Variants in PCDHGA4 observed in about 807,000 individuals in gnomAD.
The protein encoded by PCDHGA4 is protocadherin gamma-A4.
In PCDHGA4, 38 loss-of-function variants were observed where a neutral mutation model predicts 54.6. The observed-to-expected ratio is 0.70, with a 90% CI of 0.54 to 0.91. PCDHGA4 has a LOEUF of 0.91. Among genes scored for constraint, PCDHGA4 ranks in the 40% least tolerant of loss-of-function variants. The pLI is 0.00. For synonymous variants in PCDHGA4, 511 were observed against 512.9 expected, an observed-to-expected ratio of 1.00 and a Z score of 0.05; for missense variants, 1,298 against 1,220.9, an observed-to-expected ratio of 1.06 and a Z score of -0.94.
chr5:141,365,470 T>C, intron 1 of PCDHGA4: 1 of 1,614,034 alleles, frequency 6.2e-7, no homozygotes, highest in South Asian at 1.1e-5. Flanking sequence ...GAGAAAATGG[T>C]GAGATTGCAT....
At chr5:141,439,796 G>C (rs980000701) in intron 1 of PCDHGA4, 4 of 152,318 alleles carry the variant, frequency 2.6e-5, no homozygotes, top group African/African-American at 9.6e-5. Flanking sequence ...AATCCAAGAA[G>C]AGTTTGAAAA....
chr5:141,487,452 T>A lies in PCDHGA4; in HGVS notation c.2515-7355T>A, dbSNP rs778695562. 40 of 1,614,046 alleles carry A rather than the reference T, an allele frequency of 2.5e-5. No homozygotes were observed. The highest frequency in any genetic ancestry group is 3.4e-5 in the Non-Finnish European group (40 of 1,180,004). On this transcript the variant is annotated intron_variant, in intron 1 of 3. Coordinates refer to ENST00000571252, the MANE Select transcript of PCDHGA4 (RefSeq NM_018917.4). This position sits in a 1 kb window ranked among gnomAD's most constrained non-coding sequence, Gnocchi z 5.0. ...ATCCAGCTAGGGTCAGATGACCCTA[T>A]CAAGTTTGTTGATGTGGGAGGCCAC... is the stretch of plus-strand genomic sequence containing the variant.
Position 141,476,187 on chromosome 5 carries a change from G to A in PCDHGA4, c.2515-18620G>A. 6.2e-7 allele frequency: 1 copy of A among 1,613,782 alleles called. No individual in the cohort carries two copies. The highest frequency in any genetic ancestry group is 1.1e-5 in the South Asian group (1 of 91,072). ...GTAGTGGGAGTTTTGCTTCTGCTTG[G>A]TGCCTTGAACAAGGCTTCCACGGTC... On this transcript the variant is annotated intron_variant, in intron 1 of 3. Coordinates refer to ENST00000571252, the MANE Select transcript of PCDHGA4 (RefSeq NM_018917.4). This position sits in a 1 kb window ranked among gnomAD's most constrained non-coding sequence, Gnocchi z 7.6.
chr5:141,394,491 C>A lies in PCDHGA4; in HGVS notation c.2514+36870C>A, dbSNP rs1477855534. 4 of 1,614,234 alleles carry A rather than the reference C, an allele frequency of 2.5e-6. No homozygotes were observed. The highest frequency in any genetic ancestry group is 2.5e-6 in the Non-Finnish European group (3 of 1,180,046). On this transcript the variant is annotated intron_variant, in intron 1 of 3. Transcript: ENST00000571252. The stretch of plus-strand genomic sequence containing the variant: ...CGTGCTGGACCAGAATGACAACGCG[C>A]CCGAGATCCTGTACCCCGCCCTCCC...
chr5:141,463,886 C>T (rs1327677210), intron 1 of PCDHGA4, among the ~76,000 whole-genome samples: 3 of 152,118 alleles, frequency 2.0e-5, no homozygotes, highest in African/African-American at 4.8e-5. Flanking sequence ...AAAGTTTTCA[C>T]CTTGCTTTTT....
Position 141,409,176 on chromosome 5 carries a change from G to A in PCDHGA4, c.2514+51555G>A. On this transcript the variant is annotated intron_variant, in intron 1 of 3. Transcript: ENST00000571252. ...ATGGAAGTGGAAGCGAAGGACGGAG[G>A]TGGTCTCTCTACCCAGTGTAAAGTA... The A allele has an allele frequency of 6.2e-7, 1 of 1,614,026 alleles. No individual in the cohort carries two copies. The highest frequency in any genetic ancestry group is 8.5e-7 in the Non-Finnish European group (1 of 1,179,892).
intron 1 of PCDHGA4, chr5:141,413,112 G>A (rs1589839162): frequency 6.7e-7 from 1 of 1,502,662 alleles, no homozygotes; most frequent in East Asian, 2.3e-5. Flanking sequence ...GAAAGACAAA[G>A]GAACCGGTTG....
intron 1 of PCDHGA4, chr5:141,422,778 C>T (rs1041081332): frequency 1.9e-6 from 3 of 1,613,932 alleles, no homozygotes; most frequent in Admixed American, 1.7e-5. Flanking sequence ...TTCTCTATGC[C>T]CTACAATCCT....
chr5:141,408,770 A>G, intron 1 of PCDHGA4: 1 of 1,611,540 alleles, frequency 6.2e-7, no homozygotes. Flanking sequence ...CGATGGTGGC[A>G]AATACCCAGA....
chr5:141,417,028 GTTT>G, intron 1 of PCDHGA4: 2 of 150,056 alleles, frequency 1.3e-5, no homozygotes, highest in East Asian at 3.9e-4. Flanking sequence ...AAAAATACAG[GTTT>G]TTTTTTTAAA....
intron 1 of PCDHGA4, among the ~76,000 whole-genome samples, chr5:141,430,013 G>T (rs2097256191): frequency 6.6e-6 from 1 of 151,922 alleles, no homozygotes; most frequent in South Asian, 2.1e-4. Context: ...TTTTCACTTG[G>T]GTTCTTGTTA....
rs954948864 is a variant in PCDHGA4, at chr5:141,382,821, C to T, written c.2514+25200C>T. On this transcript the variant is annotated intron_variant, in intron 1 of 3. Transcript: ENST00000571252. ...GGATTCTGAGCTCCCCTTCCTAAGACAGAGGGGTCCACCCGGATACACCCG... is the reference window on the plus strand; with the variant it reads ...GGATTCTGAGCTCCCCTTCCTAAGATAGAGGGGTCCACCCGGATACACCCG... 3.1e-6 allele frequency: 4 copies of T among 1,306,294 alleles called. No homozygotes were observed. In the African/African-American group the frequency reaches 5.9e-5, roughly 19 times the overall value. The allele number at this position is 1,306,294 out of a possible 1,614,324, so 80.9% of individuals were successfully genotyped here. A position where few individuals can be genotyped will look rare whatever the true frequency, so the allele number is the denominator to read the frequency against.
chr5:141,486,379 G>A lies in PCDHGA4; in HGVS notation c.2515-8428G>A. 2 of 1,614,094 alleles carry A rather than the reference G, an allele frequency of 1.2e-6. No individual in the cohort carries two copies. Among genetic ancestry groups the A allele is most frequent in the Non-Finnish European group, 1.7e-6 (2 of 1,180,000 alleles). ...CATTTGCCCTCAAGTCTGCCTTCAG[G>A]AACCAGTTCTCCCTGGTGACTGCTG... On this transcript the variant is annotated intron_variant, in intron 1 of 3. Transcript: ENST00000571252. The surrounding 1 kb of genome is among the most constrained non-coding windows in gnomAD (Gnocchi z 5.0).
chr5:141,469,853 G>A (rs549678022), intron 1 of PCDHGA4, among the ~76,000 whole-genome samples: 5 of 152,270 alleles, frequency 3.3e-5, no homozygotes, highest in South Asian at 2.1e-4. Context: ...GATTCAGACC[G>A]GGTGCAATGG....
chr5:141,462,202 C>T (rs188546035), intron 1 of PCDHGA4, among the ~76,000 whole-genome samples: 1,522 of 152,002 alleles, frequency 0.01, 33 homozygotes, highest in African/African-American at 0.034. Flanking sequence ...TCAGGTGATC[C>T]GCCTGCCTCG....
At chr5:141,394,800 G>A in intron 1 of PCDHGA4, 1 of 1,613,850 alleles carries the variant, frequency 6.2e-7, no homozygotes, top group East Asian at 2.2e-5. Context: ...GCTCACCGTA[G>A]CCGTGGCTGA....
At chr5:141,461,826 T>G (rs1466528519) in intron 1 of PCDHGA4, among the ~76,000 whole-genome samples, 2 of 151,912 alleles carry the variant, frequency 1.3e-5, no homozygotes, top group Non-Finnish European at 1.5e-5. Flanking sequence ...GCTAATTTTT[T>G]TTTCTTTTTT....
chr5:141,381,798 C>CTCTTTCTT (rs372235829), intron 1 of PCDHGA4, among the ~76,000 whole-genome samples: 5 of 144,132 alleles, frequency 3.5e-5, no homozygotes, highest in African/African-American at 8.0e-5. Context: ...AGGCAATTCC[C>CTCTTTCTT]TCTTTCTTTC....
chr5:141,430,309 A>G (rs984998714), intron 1 of PCDHGA4, among the ~76,000 whole-genome samples: 2 of 152,116 alleles, frequency 1.3e-5, no homozygotes, highest in Non-Finnish European at 2.9e-5. Context: ...CACTAACATT[A>G]TAAGATTAAA....
Sources: gnomAD v4.1 joint callset for allele counts (sites outside exome capture counted in the v4.1 genomes callset) on GRCh38, gnomAD v4.1.1 for gene constraint, Gnocchi (gnomAD v3.1) non-coding constraint, MANE v1.5 for transcripts, NCBI Gene and HGNC (gene_info 2026-07-23, HGNC 2026-07-21) for gene names.